Variants in KLRD1 observed in about 807,000 individuals in gnomAD.
The protein encoded by KLRD1 is natural killer cells antigen CD94.
Under a neutral mutation model 22.6 loss-of-function variants are expected in KLRD1, and 21 were observed. The observed-to-expected ratio is 0.93, with a 90% CI of 0.66 to 1.34. The LOEUF (loss-of-function observed/expected upper bound fraction) is 1.34, where lower values mean the gene tolerates loss of function less well. Ranked by LOEUF, KLRD1 falls within the 40% of genes most tolerant of loss-of-function variation. The pLI, the probability that KLRD1 is intolerant of heterozygous loss-of-function variation, is 0.00. For missense variants in KLRD1, 183 were observed against 208.6 expected, an observed-to-expected ratio of 0.88 and a Z score of 0.76; for synonymous variants, 59 against 71.1, an observed-to-expected ratio of 0.83 and a Z score of 0.85.
At position 10,325,078 on chromosome 12, in the gene KLRD1, G is replaced by T. The variant is rs527824186; in HGVS notation, c.*10285G>T. On this transcript the variant is annotated 3_prime_UTR_variant, in exon 6 of 6. Transcript: ENST00000336164. Reference sequence around the variant, plus strand: ...AGTGGTGAGTAAACACCCTTGTTTTGCTATTGATCTTAGAGCATGAATATT... The same window carrying T: ...AGTGGTGAGTAAACACCCTTGTTTTTCTATTGATCTTAGAGCATGAATATT... 1 of 151,708 alleles carries T rather than the reference G, an allele frequency of 6.6e-6. No individual in the cohort carries two copies. The highest frequency in any genetic ancestry group is 2.4e-5 in the African/African-American group (1 of 41,438). The allele number at this position is 151,708 out of a possible 1,614,324, so 9.4% of individuals were successfully genotyped here. A position where few individuals can be genotyped will look rare whatever the true frequency, so the allele number is the denominator to read the frequency against.
chr12:10,272,193 C>T (rs1436793177), intron 1 of KLRD1, among the ~76,000 whole-genome samples: 1 of 152,180 alleles, frequency 6.6e-6, no homozygotes, highest in Non-Finnish European at 1.5e-5. Flanking sequence ...AAGCCGTTAT[C>T]TAATTCTCAC....
At chr12:10,270,149 A>G (rs1949536814) in intron 1 of KLRD1, among the ~76,000 whole-genome samples, 1 of 152,202 alleles carries the variant, frequency 6.6e-6, no homozygotes, top group African/African-American at 2.4e-5. Flanking sequence ...CAAACCACTC[A>G]GCTATCCACT....
intron 1 of KLRD1, among the ~76,000 whole-genome samples, chr12:10,281,799 C>G (rs1272031700): frequency 6.6e-6 from 1 of 152,170 alleles, no homozygotes; most frequent in African/African-American, 2.4e-5. Context: ...AGACGATTAT[C>G]TGAGAATTAC....
rs1311469383 is a variant in KLRD1, at chr12:10,315,913, T to C, written c.*1120T>C. 1 of 151,818 alleles carries C rather than the reference T, an allele frequency of 6.6e-6. No individual in the cohort carries two copies. The highest frequency in any genetic ancestry group is 1.5e-5 in the Non-Finnish European group (1 of 67,956). 9.4% of individuals were successfully genotyped at this position (151,818 alleles called of 1,614,324 possible). A position where few individuals can be genotyped will look rare whatever the true frequency, so the allele number is the denominator to read the frequency against. ...CGGGTGGATCACTTGAGGTCAGGAG[T>C]TTGAGACCAGCCTGGCCAACATGGT... On this transcript the variant is annotated 3_prime_UTR_variant, in exon 6 of 6. Coordinates refer to ENST00000336164, the MANE Select transcript of KLRD1 (RefSeq NM_002262.5).
intron 1 of KLRD1, among the ~76,000 whole-genome samples, chr12:10,269,583 A>G (rs1364752831): frequency 3.3e-5 from 5 of 152,190 alleles, no homozygotes; most frequent in Admixed American, 1.3e-4. Flanking sequence ...TCATTTTATC[A>G]TAGTACGTAT....
rs1950308062 is a variant in KLRD1 at position 10,321,092 on chromosome 12, T to TATATA, written c.*6299_*6300insATATA. ...GATCCAAGAGTTATGAAGAGTGATTTTATAAGCAGAAATAGGACTGAGTCC... is the reference window on the plus strand; with the variant it reads ...GATCCAAGAGTTATGAAGAGTGATTTATATATATAAGCAGAAATAGGACTGAGTCC... On this transcript the variant is annotated 3_prime_UTR_variant, in exon 6 of 6. Coordinates refer to ENST00000336164, the MANE Select transcript of KLRD1 (RefSeq NM_002262.5). 6.6e-6 allele frequency: 1 copy of TATATA among 152,204 alleles called. No individual in the cohort carries two copies. Among genetic ancestry groups the TATATA allele is most frequent in the African/African-American group, 2.4e-5 (1 of 41,448 alleles). The allele number at this position is 152,204 out of a possible 1,614,324, so 9.4% of individuals were successfully genotyped here.
chr12:10,306,118 G>A (rs182439140), upstream of KLRD1, among the ~76,000 whole-genome samples: 257 of 152,100 alleles, frequency 1.7e-3, 1 homozygote, highest in Non-Finnish European at 3.0e-3. Flanking sequence ...GCAGTGAGCC[G>A]AGTGAGCCAC....
chr12:10,270,675 A>T (rs1364130691), intron 1 of KLRD1, among the ~76,000 whole-genome samples: 1 of 152,110 alleles, frequency 6.6e-6, no homozygotes, highest in Non-Finnish European at 1.5e-5. Flanking sequence ...TTTGATGTAG[A>T]TATGCGCTGT....
chr12:10,300,593 G>A (rs1949858437), upstream of KLRD1, among the ~76,000 whole-genome samples: 1 of 152,176 alleles, frequency 6.6e-6, no homozygotes, highest in Admixed American at 6.5e-5. Context: ...TAAAGTTTCA[G>A]AAAAATAAGT....
chr12:10,285,757 T>G (rs1300972547), intron 1 of KLRD1, among the ~76,000 whole-genome samples: 1 of 152,152 alleles, frequency 6.6e-6, no homozygotes, highest in Non-Finnish European at 1.5e-5. Context: ...CTTATGTTAT[T>G]TTTTCTTTGT....
At chr12:10,281,901 T>C (rs1949647365) in intron 1 of KLRD1, among the ~76,000 whole-genome samples, 1 of 152,206 alleles carries the variant, frequency 6.6e-6, no homozygotes, top group Non-Finnish European at 1.5e-5. Context: ...GTCATAAACT[T>C]ACACGGCAGT....
intron 1 of KLRD1, among the ~76,000 whole-genome samples, chr12:10,268,883 A>G (rs976771592): frequency 1.3e-5 from 2 of 152,148 alleles, no homozygotes; most frequent in African/African-American, 2.4e-5. Flanking sequence ...AAGTGAACAA[A>G]TTTTTATCCC....
At chr12:10,279,454 C>T (rs1314662986) in intron 1 of KLRD1, among the ~76,000 whole-genome samples, 1 of 152,072 alleles carries the variant, frequency 6.6e-6, no homozygotes, top group Non-Finnish European at 1.5e-5. Context: ...TTCTGGAAAT[C>T]TTATTATCAA....
At chr12:10,257,482 C>CTTTTTTTTTT (rs56871156) in intron 1 of KLRD1, among the ~76,000 whole-genome samples, 31 of 97,350 alleles carry the variant, frequency 3.2e-4, no homozygotes, top group African/African-American at 1.1e-3. Context: ...GTAGCTGATT[C>CTTTTTTTTTT]TTTTTTTTTT....
At chr12:10,301,224 T>C (rs141827211), upstream of KLRD1, among the ~76,000 whole-genome samples, 3 of 152,332 alleles carry the variant, frequency 2.0e-5, no homozygotes, top group Non-Finnish European at 1.5e-5. Flanking sequence ...CCTAGGATAA[T>C]GTAGGCCTTG....
chr12:10,257,973 G>T (rs567320681), intron 1 of KLRD1, among the ~76,000 whole-genome samples: 40 of 152,078 alleles, frequency 2.6e-4, no homozygotes, highest in Non-Finnish European at 5.1e-4. Flanking sequence ...CTGGGTCTTT[G>T]TGTGGCTTTT....
chr12:10,312,260 G>A (rs899305706), intron 4 of KLRD1, among the ~76,000 whole-genome samples: 2 of 151,776 alleles, frequency 1.3e-5, no homozygotes, highest in Non-Finnish European at 2.9e-5. Context: ...CCGTATTGGC[G>A]AGGCTGGTCT....
intron 1 of KLRD1, among the ~76,000 whole-genome samples, chr12:10,269,296 G>A (rs368055945): frequency 6.9e-4 from 105 of 152,014 alleles, no homozygotes; most frequent in African/African-American, 2.5e-3. Flanking sequence ...GATTACAGGC[G>A]GTTGCCACCA....
chr12:10,276,117 T>G (rs2137649060), intron 1 of KLRD1, among the ~76,000 whole-genome samples: 1 of 152,326 alleles, frequency 6.6e-6, no homozygotes, highest in East Asian at 1.9e-4. Context: ...AGTTTACTTG[T>G]GTATGTAATT....
Sources: gnomAD v4.1 joint callset for allele counts (sites outside exome capture counted in the v4.1 genomes callset) on GRCh38, gnomAD v4.1.1 for gene constraint, MANE v1.5 for transcripts, NCBI Gene and HGNC (gene_info 2026-07-23, HGNC 2026-07-21) for gene names.